SLIT2: variants seen among roughly 807,000 people sequenced by gnomAD.
SLIT2 encodes slit guidance ligand 2.
Under a neutral mutation model 185.7 loss-of-function variants are expected in SLIT2, and 41 were observed. The observed-to-expected ratio is 0.22, with a 90% CI of 0.17 to 0.29. The LOEUF (loss-of-function observed/expected upper bound fraction) is 0.29, where lower values mean the gene tolerates loss of function less well. SLIT2 is among the 10% of genes least tolerant of loss of function. SLIT2 has a pLI of 1.00. For missense variants in SLIT2, 1,571 were observed against 1,909.0 expected (o/e 0.82, Z 3.30); for synonymous variants, 693 against 680.2 (o/e 1.02, Z -0.29).
intron 4 of SLIT2, among the ~76,000 whole-genome samples, chr4:20,371,410 T>C (rs907198801): frequency 6.6e-6 from 1 of 151,992 alleles, no homozygotes; most frequent in East Asian, 1.9e-4. Flanking sequence ...AAACAGTAAA[T>C]CATGTTTCTC....
intron 4 of SLIT2, among the ~76,000 whole-genome samples, chr4:20,455,348 T>G (rs1476435008): frequency 6.6e-6 from 1 of 152,076 alleles, no homozygotes; most frequent in Non-Finnish European, 1.5e-5. Context: ...AAGTGTGGTA[T>G]CTAAAAAGGG....
chr4:20,456,963 AT>A (rs1485829847), intron 4 of SLIT2, among the ~76,000 whole-genome samples: 2 of 152,084 alleles, frequency 1.3e-5, no homozygotes, highest in African/African-American at 2.4e-5. Flanking sequence ...ATGAAAAAAA[AT>A]ATCTCTACCC....
intron 4 of SLIT2, among the ~76,000 whole-genome samples, chr4:20,455,978 A>G (rs897241145): frequency 3.9e-5 from 6 of 152,160 alleles, no homozygotes; most frequent in Non-Finnish European, 8.8e-5. Flanking sequence ...TGAAGTCTGT[A>G]AATTCTAGAA....
At chr4:20,482,621 G>A (rs951723825) in intron 6 of SLIT2, among the ~76,000 whole-genome samples, 2 of 151,838 alleles carry the variant, frequency 1.3e-5, no homozygotes, top group African/African-American at 4.8e-5. Context: ...ACATTTTATG[G>A]TTCATGGAAT....
At chr4:20,614,702 A>G (rs1277241792) in intron 34 of SLIT2, among the ~76,000 whole-genome samples, 2 of 150,910 alleles carry the variant, frequency 1.3e-5, no homozygotes, top group Non-Finnish European at 2.9e-5. Flanking sequence ...GCTTGAACCC[A>G]GGAGGCGGGG....
intron 30 of SLIT2, among the ~76,000 whole-genome samples, chr4:20,594,101 A>G (rs1172732565): frequency 2.0e-5 from 3 of 149,622 alleles, no homozygotes; most frequent in Non-Finnish European, 3.0e-5. Flanking sequence ...CTTTTCTCAT[A>G]TATACACATA....
intron 4 of SLIT2, among the ~76,000 whole-genome samples, chr4:20,344,480 C>G (rs2109242932): frequency 6.6e-6 from 1 of 152,236 alleles, no homozygotes; most frequent in South Asian, 2.1e-4. Context: ...TGAAACACTG[C>G]TAGCAAAAAT....
intron 21 of SLIT2, among the ~76,000 whole-genome samples, chr4:20,544,073 A>G (rs1215028151): frequency 1.3e-5 from 2 of 152,104 alleles, no homozygotes; most frequent in Non-Finnish European, 2.9e-5. Context: ...TACCTAATGT[A>G]AATGGCAAGT....
At chr4:20,332,964 A>C (rs6821204) in intron 4 of SLIT2, among the ~76,000 whole-genome samples, 1 of 152,022 alleles carries the variant, frequency 6.6e-6, no homozygotes, top group Non-Finnish European at 1.5e-5. Context: ...TTTTAAAAGA[A>C]AGGACATAAT....
intron 4 of SLIT2, among the ~76,000 whole-genome samples, chr4:20,366,033 C>T (rs1560356916): frequency 6.6e-6 from 1 of 152,100 alleles, no homozygotes; most frequent in Non-Finnish European, 1.5e-5. Context: ...TTTGTTGGTT[C>T]ACTTAACATG....
chr4:20,431,064 A>G (rs1728936344), intron 4 of SLIT2, among the ~76,000 whole-genome samples: 1 of 151,908 alleles, frequency 6.6e-6, no homozygotes. Flanking sequence ...GCAGCCTGAG[A>G]TCCGATCTAA....
At chr4:20,319,083 G>A (rs1435469971) in intron 4 of SLIT2, among the ~76,000 whole-genome samples, 1 of 152,120 alleles carries the variant, frequency 6.6e-6, no homozygotes, top group South Asian at 2.1e-4. Context: ...TTCACAGTAG[G>A]GGGTAGATGT....
intron 36 of SLIT2, 74 bp downstream of exon 36, chr4:20,617,724 A>G: frequency 1.5e-6 from 1 of 680,830 alleles, no homozygotes; most frequent in South Asian, 1.9e-5. Context: ...AAAGAGAGGG[A>G]GAAAAAGTGA....
chr4:20,454,737 A>G (rs1208316665), intron 4 of SLIT2, among the ~76,000 whole-genome samples: 1 of 152,200 alleles, frequency 6.6e-6, no homozygotes, highest in Admixed American at 6.5e-5. Flanking sequence ...TACATGATAT[A>G]GGTATTATAC....
intron 25 of SLIT2, chr4:20,552,841 G>A (rs1275430146): frequency 2.6e-5 from 4 of 152,122 alleles, no homozygotes; most frequent in African/African-American, 4.8e-5. Context: ...TGCATCTACG[G>A]CTTCAATCCA....
intron 4 of SLIT2, among the ~76,000 whole-genome samples, chr4:20,427,869 C>T (rs1728679206): frequency 6.6e-6 from 1 of 151,936 alleles, no homozygotes; most frequent in African/African-American, 2.4e-5. Context: ...TGCTTTTTAC[C>T]ATGCCTCTCT....
chr4:20,603,924 T>C (rs1280269184), intron 33 of SLIT2, among the ~76,000 whole-genome samples: 1 of 152,248 alleles, frequency 6.6e-6, no homozygotes. Flanking sequence ...ATTCTTGATA[T>C]GCCATATGGA....
intron 7 of SLIT2, among the ~76,000 whole-genome samples, chr4:20,487,865 C>G (rs187548133): frequency 3.3e-5 from 5 of 152,226 alleles, no homozygotes; most frequent in African/African-American, 1.2e-4. Flanking sequence ...GCCTAATTAT[C>G]TTTCTGGACT....
intron 34 of SLIT2, 138 bp downstream of exon 34, chr4:20,610,305 A>G (rs774281933): frequency 5.5e-5 from 38 of 688,902 alleles, no homozygotes; most frequent in Non-Finnish European, 7.9e-5. Flanking sequence ...ATGGATGGCA[A>G]AGACAGAACA....
Sources: gnomAD v4.1 joint callset for allele counts (sites outside exome capture counted in the v4.1 genomes callset) on GRCh38, gnomAD v4.1.1 for gene constraint, MANE v1.5 for transcripts, NCBI Gene and HGNC (gene_info 2026-07-23, HGNC 2026-07-21) for gene names.